NCAN: variants seen among roughly 807,000 people sequenced by gnomAD.
NCAN encodes neurocan core protein.
In NCAN, 47 loss-of-function variants were observed where a neutral mutation model predicts 121.8. That is an observed-to-expected ratio of 0.39 (90% CI 0.31 to 0.49). The LOEUF is 0.49. Ranked by LOEUF, NCAN falls within the 20% of genes least tolerant of loss-of-function variation. NCAN has a pLI of 0.92. For missense variants in NCAN, 1,517 were observed against 1,773.4 expected (o/e 0.86, Z 2.60); for synonymous variants, 633 against 702.0 (o/e 0.90, Z 1.55).
At chr19:19,235,445 A>G (rs1210205203) in intron 10 of NCAN, among the ~76,000 whole-genome samples, 1 of 137,924 alleles carries the variant, frequency 7.3e-6, no homozygotes, top group Non-Finnish European at 1.6e-5. Context: ...TAATTTTTGT[A>G]TTTTTTAGTA....
Position 19,225,284 on chromosome 19 carries a change from C to T in NCAN, c.1072+14C>T. The T allele has an allele frequency of 6.6e-7, 1 of 1,509,906 alleles. No homozygotes were observed. Among genetic ancestry groups the T allele is most frequent in the Non-Finnish European group, 8.7e-7 (1 of 1,145,394 alleles). The allele number at this position is 1,509,906 out of a possible 1,614,324, so 93.5% of individuals were successfully genotyped here. A position where few individuals can be genotyped will look rare whatever the true frequency, so the allele number is the denominator to read the frequency against. Reference sequence around the variant, plus strand: ...ACTGCTTCCGAGGTGCGTGCGTCCCCTGGTGGCCGCGCCCCCAGGGCTTTC... The same window carrying T: ...ACTGCTTCCGAGGTGCGTGCGTCCCTTGGTGGCCGCGCCCCCAGGGCTTTC... On this transcript the variant is annotated intron_variant, in intron 6 of 14. Coordinates refer to ENST00000252575, the MANE Select transcript of NCAN (RefSeq NM_004386.3). The surrounding 1 kb of genome is among the most constrained non-coding windows in gnomAD (Gnocchi z 4.0).
chr19:19,245,264 G>A (rs537561465), intron 12 of NCAN, 49 bp from the exon 13 acceptor site: 3 of 1,602,702 alleles, frequency 1.9e-6, no homozygotes, highest in Admixed American at 1.7e-5. Flanking sequence ...CCAGAACCTG[G>A]GCTGGAACAG....
chr19:19,228,465 C>G lies in NCAN; in HGVS notation c.2845C>G (p.Pro949Ala), dbSNP rs1167324324. ...GESASVSSGE[P>A]TVPWDPSSTL... ...GTCTGCCTCAGTTTCCTCAGGGGAGCCTACGGTACCGTGGGACCCCTCCAG... is the reference window on the plus strand; with the variant it reads ...GTCTGCCTCAGTTTCCTCAGGGGAGGCTACGGTACCGTGGGACCCCTCCAG... The change falls in exon 8 of 15, where the codon CCT (proline) becomes GCT (alanine). Residue 949 changes from proline to alanine, a missense_variant. Coordinates refer to ENST00000252575, the MANE Select transcript of NCAN (RefSeq NM_004386.3). 2 of 1,613,562 alleles carry G rather than the reference C, an allele frequency of 1.2e-6. No homozygotes were observed. The highest frequency in any genetic ancestry group is 2.2e-5 in the East Asian group (1 of 44,880).
intron 8 of NCAN, among the ~76,000 whole-genome samples, chr19:19,233,338 T>A (rs1369604857): frequency 6.1e-5 from 2 of 32,818 alleles, no homozygotes. Context: ...AGGATGAGGA[T>A]TTTTTTTCAG....
Position 19,227,281 on chromosome 19 carries a change from G to T in NCAN, c.1661G>T (p.Gly554Val), listed in dbSNP as rs1321975886. Residue 554 changes from glycine (G) to valine (V), a missense_variant and splice_region_variant, in exon 8 of 15, where the codon GGT (glycine) becomes GTT (valine). Transcript: ENST00000252575. This position sits in a 1 kb window ranked among gnomAD's most constrained non-coding sequence, Gnocchi z 4.2. ...LTNEVDMPGA[G>V]SAGGKSSPEP... Reference sequence around the variant, plus strand: ...AATGATTGCCTTGATGTTGTTGCAGGTTCTGCTGGTGGCAAGAGCTCCCCA... The same window carrying T: ...AATGATTGCCTTGATGTTGTTGCAGTTTCTGCTGGTGGCAAGAGCTCCCCA... 6.5e-7 allele frequency: 1 copy of T among 1,544,590 alleles called. No homozygotes were observed. Among genetic ancestry groups the T allele is most frequent in the East Asian group, 2.3e-5 (1 of 44,198 alleles).
chr19:19,238,187 G>C (rs1301314573), intron 10 of NCAN, 66 bp from the exon 11 acceptor site: 1 of 1,600,890 alleles, frequency 6.2e-7, no homozygotes, highest in East Asian at 2.2e-5. Context: ...TGGGCTGGCT[G>C]TGCTCATGGC....
intron 12 of NCAN, among the ~76,000 whole-genome samples, chr19:19,243,472 T>C (rs760215281): frequency 1.8e-4 from 23 of 130,780 alleles, no homozygotes; most frequent in Middle Eastern, 4.9e-3. Flanking sequence ...GCCAAGATCA[T>C]GCCACTGCAC....
chr19:19,243,623 C>T (rs1217240635), intron 12 of NCAN, among the ~76,000 whole-genome samples: 1 of 152,140 alleles, frequency 6.6e-6, no homozygotes, highest in Non-Finnish European at 1.5e-5. Context: ...GCCTCTTGAA[C>T]CCGGGAGGCG....
Position 19,219,195 on chromosome 19 carries a change from G to C in NCAN, c.354G>C (p.Arg118=). 6.2e-7 allele frequency: 1 copy of C among 1,611,760 alleles called. No individual in the cohort carries two copies. The highest frequency in any genetic ancestry group is 8.5e-7 in the Non-Finnish European group (1 of 1,179,998). Residue 118 remains arginine, a synonymous_variant, in exon 3 of 15, where the codon CGG becomes CGC. Transcript: ENST00000252575. ...GAGTGTCACTGCCTTCCTACCCCCG[G>C]CGCCGAGCCAACGCCACGCTACTTC... is the stretch of plus-strand genomic sequence containing the variant. ...QGRVSLPSYP[R]RRANATLLLG...
At chr19:19,245,245 C>T in intron 12 of NCAN, 68 bp from the exon 13 acceptor site, 1 of 1,577,908 alleles carries the variant, frequency 6.3e-7, no homozygotes, top group Non-Finnish European at 8.6e-7. Flanking sequence ...AGTCCCACAG[C>T]AGGAATTGCC....
Position 19,251,787 on chromosome 19 carries a change from G to A in NCAN, c.*1876G>A, listed in dbSNP as rs2060947108. 6.6e-6 allele frequency: 1 copy of A among 152,062 alleles called. No individual in the cohort carries two copies. The highest frequency in any genetic ancestry group is 1.5e-5 in the Non-Finnish European group (1 of 68,026). The allele number at this position is 152,062 out of a possible 1,614,324, so 9.4% of individuals were successfully genotyped here. ...TTATGGTTATTATTCAGAAAACCCAGGGATACAGGTTTGTCTTCTTACTTT... is the reference window on the plus strand; with the variant it reads ...TTATGGTTATTATTCAGAAAACCCAAGGATACAGGTTTGTCTTCTTACTTT... On this transcript the variant is annotated 3_prime_UTR_variant, in exon 15 of 15. Transcript: ENST00000252575.
chr19:19,248,649 G>T, intron 13 of NCAN, 51 bp from the exon 14 acceptor site: 1 of 1,558,588 alleles, frequency 6.4e-7, no homozygotes, highest in South Asian at 1.2e-5. Flanking sequence ...ACAACAACTA[G>T]TTTAGCCCCA....
At chr19:19,235,428 G>T (rs962549367) in intron 10 of NCAN, among the ~76,000 whole-genome samples, 3 of 151,482 alleles carry the variant, frequency 2.0e-5, no homozygotes, top group African/African-American at 7.3e-5. Flanking sequence ...CCGCCACCAC[G>T]CCTGGCTAAT....
chr19:19,239,062 C>G (rs1216384227), intron 11 of NCAN, among the ~76,000 whole-genome samples: 1 of 152,116 alleles, frequency 6.6e-6, no homozygotes, highest in African/African-American at 2.4e-5. Context: ...CCCACTGGGC[C>G]TCTCCCTCCT....
chr19:19,242,877 GCAAT>G (rs2060909050), intron 12 of NCAN, among the ~76,000 whole-genome samples: 2 of 152,116 alleles, frequency 1.3e-5, no homozygotes, highest in South Asian at 4.1e-4. Context: ...GTTCATGCCT[GCAAT>G]CCCAGCACTT....
At chr19:19,237,444 G>A (rs547928923) in intron 10 of NCAN, among the ~76,000 whole-genome samples, 51 of 150,630 alleles carry the variant, frequency 3.4e-4, no homozygotes, top group South Asian at 2.9e-3. Context: ...AGCCAAGATC[G>A]CACCATTACA....
At position 19,227,881 on chromosome 19, in the gene NCAN, CGGGGTCTGAGTCT is replaced by C; in HGVS notation, c.2269_2281del (p.Glu757SerfsTer15). On this transcript the variant is annotated frameshift_variant, in exon 8 of 15. Coordinates refer to ENST00000252575, the MANE Select transcript of NCAN (RefSeq NM_004386.3). LOFTEE classifies it high-confidence loss of function. The surrounding 1 kb of genome is among the most constrained non-coding windows in gnomAD (Gnocchi z 4.2). ...GAGCCAACGGGCCTCAGGGGTATCC[CGGGGTCTGAGTCT>C]GGGGTCTTCGACACAGCAGAAAGCC... The C allele has an allele frequency of 6.2e-7, 1 of 1,613,694 alleles. No individual in the cohort carries two copies. The highest frequency in any genetic ancestry group is 8.5e-7 in the Non-Finnish European group (1 of 1,180,020).
rs1295975853 is a variant in NCAN, at chr19:19,251,358, A to C, written c.*1447A>C. 6.6e-6 allele frequency: 1 copy of C among 152,256 alleles called. No individual in the cohort carries two copies. Among genetic ancestry groups the C allele is most frequent in the African/African-American group, 2.4e-5 (1 of 41,454 alleles). 9.4% of individuals were successfully genotyped at this position (152,256 alleles called of 1,614,324 possible). On this transcript the variant is annotated 3_prime_UTR_variant, in exon 15 of 15. Coordinates refer to ENST00000252575, the MANE Select transcript of NCAN (RefSeq NM_004386.3). ...GAAGTAGACACCATGCTAAAGACTT[A>C]CATACAATCTCCTTGAATCTTCTCA...
In NCAN at chr19:19,224,038, C is replaced by T. The variant is rs890137464; in HGVS notation, c.493C>T (p.Arg165Ter). The T allele has an allele frequency of 9.8e-6, 15 of 1,531,828 alleles. No individual in the cohort carries two copies. Among genetic ancestry groups the T allele is most frequent in the African/African-American group, 6.9e-5 (5 of 72,526 alleles). The allele number at this position is 1,531,828 out of a possible 1,614,324, so 94.9% of individuals were successfully genotyped here. A position where few individuals can be genotyped will look rare whatever the true frequency, so the allele number is the denominator to read the frequency against. Residue 165 changes from arginine to a stop codon, truncating the protein, a stop_gained, in exon 4 of 15, where the codon CGA becomes TGA. Coordinates refer to ENST00000252575, the MANE Select transcript of NCAN (RefSeq NM_004386.3). LOFTEE classifies it high-confidence loss of function. ...LEVTGVVFHY[R>*]SARDRYALTF... ...CCCCACAGGTGTTGTGTTCCACTAC[C>T]GATCAGCCCGGGACCGCTATGCACT...
Sources: allele counts gnomAD v4.1 joint callset (sites outside exome capture counted in the v4.1 genomes callset), GRCh38; gene constraint gnomAD v4.1.1; non-coding constraint Gnocchi (gnomAD v3.1); transcripts MANE v1.5; gene names NCBI Gene and HGNC (gene_info 2026-07-23, HGNC 2026-07-21).